The following CCDC148 variants were observed in gnomAD, a reference collection of about 807,000 sequenced individuals.
CCDC148 encodes the protein coiled-coil domain-containing protein 148.
CCDC148 carries 89 observed loss-of-function variants against 85.7 expected under a neutral mutation model. The ratio of observed to expected loss-of-function variants is 1.04; its 90% confidence interval spans 0.87 to 1.24. The LOEUF (loss-of-function observed/expected upper bound fraction) is 1.24. Among genes scored for constraint, CCDC148 ranks in the 50% most tolerant of loss-of-function variants. CCDC148 has a pLI of 0.00. For synonymous variants in CCDC148, 230 were observed against 213.9 expected, an observed-to-expected ratio of 1.08 and a Z score of -0.66; for missense variants, 692 against 671.7, an observed-to-expected ratio of 1.03 and a Z score of -0.33.
At chr2:158,230,762 G>A (rs1559002866) in intron 10 of CCDC148, among the ~76,000 whole-genome samples, 2 of 152,154 alleles carry the variant, frequency 1.3e-5, no homozygotes, top group South Asian at 4.1e-4. Context: ...GGCAGCGCTC[G>A]TCCCTGGACT....
chr2:158,300,985 G>C (rs1017233814), intron 9 of CCDC148, among the ~76,000 whole-genome samples: 6 of 152,106 alleles, frequency 3.9e-5, no homozygotes, highest in African/African-American at 1.4e-4. Flanking sequence ...CTCCTGAGTA[G>C]CTAGAACTAC....
intron 11 of CCDC148, among the ~76,000 whole-genome samples, chr2:158,208,777 C>T (rs1686392821): frequency 6.6e-6 from 1 of 152,098 alleles, no homozygotes; most frequent in Non-Finnish European, 1.5e-5. Context: ...ATTTTGTGGG[C>T]TACTCAAATA....
At chr2:158,354,243 G>A (rs931343223) in intron 2 of CCDC148, among the ~76,000 whole-genome samples, 6 of 152,164 alleles carry the variant, frequency 3.9e-5, no homozygotes, top group African/African-American at 1.4e-4. Flanking sequence ...AGAACTGAAG[G>A]AAATAGAGAC....
intron 2 of CCDC148, among the ~76,000 whole-genome samples, chr2:158,348,766 G>A (rs1683119704): frequency 6.6e-6 from 1 of 151,990 alleles, no homozygotes; most frequent in South Asian, 2.1e-4. Flanking sequence ...ATGTGACATG[G>A]AGATTCACTA....
intron 1 of CCDC148, among the ~76,000 whole-genome samples, chr2:158,383,391 GAGAT>G (rs1019624756): frequency 1.3e-5 from 2 of 151,530 alleles, no homozygotes; most frequent in East Asian, 1.9e-4. Flanking sequence ...AGCAAGATAA[GAGAT>G]AGGAATAATT....
At chr2:158,311,340 G>T (rs148635493) in intron 8 of CCDC148, among the ~76,000 whole-genome samples, 1 of 152,218 alleles carries the variant, frequency 6.6e-6, no homozygotes, top group Non-Finnish European at 1.5e-5. Context: ...GCGTGGCGGC[G>T]CGAGCCTGCA....
At chr2:158,323,756 A>C (rs567291359) in intron 7 of CCDC148, among the ~76,000 whole-genome samples, 1 of 152,258 alleles carries the variant, frequency 6.6e-6, no homozygotes, top group South Asian at 2.1e-4. Context: ...ACTGAGGGTT[A>C]AAATCATTTG....
intron 9 of CCDC148, among the ~76,000 whole-genome samples, chr2:158,299,052 G>A (rs1224755194): frequency 1.3e-5 from 2 of 152,180 alleles, no homozygotes; most frequent in African/African-American, 4.8e-5. Context: ...CTGATGCTTT[G>A]TCTTGGCCTT....
intron 2 of CCDC148, among the ~76,000 whole-genome samples, chr2:158,358,060 G>A (rs1392071999): frequency 2.6e-5 from 4 of 152,130 alleles, no homozygotes; most frequent in African/African-American, 9.7e-5. Flanking sequence ...AGAAAAGAGA[G>A]CACCTGAGGA....
chr2:158,434,945 T>C lies in CCDC148; in HGVS notation c.25+21470A>G, dbSNP rs1240537696. Among the ~76,000 whole-genome samples, 4 of 152,080 alleles carry C rather than the reference T, an allele frequency of 2.6e-5. No individual in the cohort carries two copies. In the East Asian group the frequency reaches 5.8e-4, roughly 22 times the overall value. On this transcript the variant is annotated intron_variant, in intron 1 of 13. Transcript: ENST00000283233. ...TTACAGACAAAAGAGTAAAAAGAAA[T>C]GAACAAAGCCTCCAAGAAATATGGG...
intron 1 of CCDC148, among the ~76,000 whole-genome samples, chr2:158,400,373 G>A (rs1040737188): frequency 6.6e-6 from 1 of 152,024 alleles, no homozygotes. Flanking sequence ...ATAGACCAAT[G>A]GAACAGAACA....
chr2:158,219,924 A>G (rs1687085674), intron 11 of CCDC148, among the ~76,000 whole-genome samples: 1 of 152,126 alleles, frequency 6.6e-6, no homozygotes, highest in African/African-American at 2.4e-5. Flanking sequence ...TTATATAGAA[A>G]GGATTTCCTG....
intron 1 of CCDC148, among the ~76,000 whole-genome samples, chr2:158,363,874 GTC>G (rs1559100991): frequency 1.3e-5 from 2 of 152,290 alleles, no homozygotes; most frequent in East Asian, 1.9e-4. Flanking sequence ...AAGTTAAATT[GTC>G]TCTGTTTGCA....
At chr2:158,176,352 T>A (rs1385055909) in intron 13 of CCDC148, among the ~76,000 whole-genome samples, 169 bp downstream of exon 13, 6 of 152,078 alleles carry the variant, frequency 3.9e-5, no homozygotes, top group African/African-American at 1.4e-4. Flanking sequence ...GTTTGTAATA[T>A]TAAGAATTAT....
At chr2:158,233,309 G>T (rs1687943248) in intron 10 of CCDC148, among the ~76,000 whole-genome samples, 1 of 151,842 alleles carries the variant, frequency 6.6e-6, no homozygotes, top group Non-Finnish European at 1.5e-5. Flanking sequence ...TTTTTCCCAT[G>T]TACTTCATTT....
intron 10 of CCDC148, among the ~76,000 whole-genome samples, chr2:158,229,215 A>C (rs1252031949): frequency 6.6e-6 from 1 of 152,158 alleles, no homozygotes; most frequent in Non-Finnish European, 1.5e-5. Flanking sequence ...ATCTTGAATC[A>C]GCAATAGACT....
chr2:158,406,620 T>TTTCTG (rs1203346762), intron 1 of CCDC148, among the ~76,000 whole-genome samples: 1 of 98,408 alleles, frequency 1.0e-5, no homozygotes, highest in Admixed American at 1.2e-4. Context: ...TTTCTTTTTT[T>TTTCTG]TTTTTTTTTT....
chr2:158,437,306 T>C (rs761897662), intron 1 of CCDC148, among the ~76,000 whole-genome samples: 6 of 152,174 alleles, frequency 3.9e-5, no homozygotes, highest in African/African-American at 9.7e-5. Flanking sequence ...ATCCCTGGGA[T>C]ACAAGGCTGG....
In CCDC148 at chr2:158,254,730, C is replaced by T. The variant is rs118157845; in HGVS notation, c.1111-3818G>A. Among the ~76,000 whole-genome samples, 19 of 151,602 alleles carry T rather than the reference C, an allele frequency of 1.3e-4. No homozygotes were observed. In the East Asian group the frequency reaches 3.5e-3, roughly 28 times the overall value. ...ATGAAAATAAGTTAGGGTTTTAGAA[C>T]TACTCTTCTCATTTTTTGATTTAAA... On this transcript the variant is annotated intron_variant, in intron 9 of 13. Coordinates refer to ENST00000283233, the MANE Select transcript of CCDC148 (RefSeq NM_138803.4).
Sources: allele counts gnomAD v4.1 joint callset (sites outside exome capture counted in the v4.1 genomes callset), GRCh38; gene constraint gnomAD v4.1.1; transcripts MANE v1.5; gene names NCBI Gene and HGNC (gene_info 2026-07-23, HGNC 2026-07-21).